TCF7L1: variants seen among roughly 807,000 people sequenced by gnomAD.
The protein encoded by TCF7L1 is transcription factor 7 like 1.
A neutral mutation model predicts 63.7 loss-of-function variants in TCF7L1; 18 were observed. The observed-to-expected ratio is 0.28, with a 90% CI of 0.20 to 0.42. The LOEUF (loss-of-function observed/expected upper bound fraction) is 0.42, where lower values mean the gene tolerates loss of function less well. Among genes scored for constraint, TCF7L1 ranks in the 10% least tolerant of loss-of-function variants. TCF7L1 has a pLI of 1.00. For synonymous variants in TCF7L1, 355 were observed against 340.9 expected (o/e 1.04, Z -0.46); for missense variants, 654 against 779.3 (o/e 0.84, Z 1.91).
chr2:85,231,472 G>C (rs1680079305), intron 3 of TCF7L1, among the ~76,000 whole-genome samples: 1 of 152,160 alleles, frequency 6.6e-6, no homozygotes, highest in Admixed American at 6.5e-5. Flanking sequence ...CCTCGTCCAC[G>C]TGACAGCCTT....
At chr2:85,230,541 G>A (rs1361012966) in intron 3 of TCF7L1, among the ~76,000 whole-genome samples, 1 of 152,156 alleles carries the variant, frequency 6.6e-6, no homozygotes, top group African/African-American at 2.4e-5. Flanking sequence ...CACCATGTTG[G>A]CCAGGGTGGT....
intron 3 of TCF7L1, among the ~76,000 whole-genome samples, chr2:85,167,602 C>G (rs552538567): frequency 6.1e-4 from 93 of 152,252 alleles, no homozygotes; most frequent in Non-Finnish European, 8.1e-4. Context: ...GTGGTTCATG[C>G]CTGTATTCCC....
chr2:85,264,083 G>A (rs1680916673), intron 3 of TCF7L1, among the ~76,000 whole-genome samples: 1 of 152,202 alleles, frequency 6.6e-6, no homozygotes, highest in Admixed American at 6.5e-5. Flanking sequence ...AGCTTGTAAG[G>A]GAGAGACGGC....
chr2:85,158,345 T>A (rs115399124), intron 3 of TCF7L1, among the ~76,000 whole-genome samples: 2,344 of 152,330 alleles, frequency 0.015, 50 homozygotes, highest in African/African-American at 0.053. Context: ...TCCCCTCTCC[T>A]TTTGGGTCTG....
intron 3 of TCF7L1, among the ~76,000 whole-genome samples, chr2:85,202,873 G>A (rs912272046): frequency 1.3e-5 from 2 of 151,874 alleles, no homozygotes; most frequent in African/African-American, 2.4e-5. Context: ...TCGCTCTTTC[G>A]CCCAGGCTGG....
At chr2:85,261,680 C>A (rs956718009) in intron 3 of TCF7L1, among the ~76,000 whole-genome samples, 4 of 152,048 alleles carry the variant, frequency 2.6e-5, no homozygotes, top group Non-Finnish European at 4.4e-5. Flanking sequence ...TTCTTGAAGC[C>A]AGGAGTTTGA....
At position 85,133,711 on chromosome 2, in the gene TCF7L1, C is replaced by CGGCGGCGGCGGCAGCGGGGGA; in HGVS notation, c.39_40insAGCGGGGGAGGCGGCGGCGGC (p.Gly13_Gly14insSerGlyGlyGlyGlyGlyGly). The CGGCGGCGGCGGCAGCGGGGGA allele has an allele frequency of 9.4e-7, 1 of 1,059,790 alleles. No homozygotes were observed. The allele number at this position is 1,059,790 out of a possible 1,614,324, so 65.6% of individuals were successfully genotyped here. ...TGCCCCAGCTCGGCGGCGGGGGCGGCGGCGGCGGCGGCGGCAGCGGGGGAG... is the reference window on the plus strand; with the variant it reads ...TGCCCCAGCTCGGCGGCGGGGGCGGCGGCGGCGGCGGCAGCGGGGGAGGCGGCGGCGGCGGCAGCGGGGGAG... On this transcript the variant is annotated inframe_insertion, in exon 1 of 12. Transcript: ENST00000282111. This position sits in a 1 kb window ranked among gnomAD's most constrained non-coding sequence, Gnocchi z 4.4.
At chr2:85,158,486 A>C (rs1285315901) in intron 3 of TCF7L1, among the ~76,000 whole-genome samples, 1 of 152,178 alleles carries the variant, frequency 6.6e-6, no homozygotes, top group Admixed American at 6.5e-5. Context: ...GAGCCTGTTT[A>C]AAAATAATGT....
intron 3 of TCF7L1, among the ~76,000 whole-genome samples, chr2:85,169,360 T>G (rs1045963729): frequency 6.6e-6 from 1 of 151,584 alleles, no homozygotes; most frequent in African/African-American, 2.4e-5. Context: ...GTTTCTTTCT[T>G]TCTTTTTTTT....
At chr2:85,157,959 G>A (rs1678188378) in intron 3 of TCF7L1, among the ~76,000 whole-genome samples, 1 of 152,236 alleles carries the variant, frequency 6.6e-6, no homozygotes, top group Non-Finnish European at 1.5e-5. Flanking sequence ...TGGGGGCATG[G>A]CTTTTAGAGG....
intron 3 of TCF7L1, among the ~76,000 whole-genome samples, chr2:85,148,442 C>A (rs1043932614): frequency 2.6e-5 from 4 of 152,166 alleles, no homozygotes; most frequent in Non-Finnish European, 4.4e-5. Context: ...AGCACTGAAT[C>A]CCAGCCGCGT....
At position 85,134,166 on chromosome 2, in the gene TCF7L1, G is replaced by T; in HGVS notation, c.313+87G>T. On this transcript the variant is annotated intron_variant, in intron 2 of 11. Transcript: ENST00000282111. The surrounding 1 kb of genome is among the most constrained non-coding windows in gnomAD (Gnocchi z 5.0). ...GGGCGGCCCACCGTCCCCCTTGCTTGGGTGGACGCACCCTTGCCCTCCGCC... is the reference window on the plus strand; with the variant it reads ...GGGCGGCCCACCGTCCCCCTTGCTTTGGTGGACGCACCCTTGCCCTCCGCC... 6.4e-7 allele frequency: 1 copy of T among 1,552,058 alleles called. No homozygotes were observed. The highest frequency in any genetic ancestry group is 8.7e-7 in the Non-Finnish European group (1 of 1,145,570).
chr2:85,203,195 A>C (rs1486309605), intron 3 of TCF7L1, among the ~76,000 whole-genome samples: 3 of 152,162 alleles, frequency 2.0e-5, no homozygotes, highest in Admixed American at 6.5e-5. Context: ...CTGTTCAGTC[A>C]ATTTTAATAG....
At chr2:85,229,696 A>G (rs1437871287) in intron 3 of TCF7L1, among the ~76,000 whole-genome samples, 1 of 151,992 alleles carries the variant, frequency 6.6e-6, no homozygotes. Flanking sequence ...TCCAGCCACC[A>G]ATATATATCA....
At chr2:85,282,958 G>C (rs974065534) in intron 3 of TCF7L1, among the ~76,000 whole-genome samples, 8 of 152,144 alleles carry the variant, frequency 5.3e-5, no homozygotes, top group African/African-American at 1.9e-4. Flanking sequence ...CAGCATCCTT[G>C]AGTTGGGGTA....
chr2:85,142,480 T>TAA lies in TCF7L1; in HGVS notation c.441+8031_441+8032dup, dbSNP rs56952641. ...TGTGTGTGTGTTGTGTGTATATATATAATATATATATATATATACACACAC... is the reference window on the plus strand; with the variant it reads ...TGTGTGTGTGTTGTGTGTATATATATAAAATATATATATATATATACACACAC... On this transcript the variant is annotated intron_variant, in intron 3 of 11. Transcript: ENST00000282111. Among the ~76,000 whole-genome samples the TAA allele has an allele frequency of 3.5e-5, 5 of 141,592 alleles. No homozygotes were observed. The East Asian group carries it at 1.0e-3, about 29-fold the overall frequency. 92.9% of individuals were successfully genotyped at this position (141,592 alleles called of 152,430 possible). A position where few individuals can be genotyped will look rare whatever the true frequency, so the allele number is the denominator to read the frequency against.
chr2:85,256,022 G>A (rs17026108), intron 3 of TCF7L1, among the ~76,000 whole-genome samples: 32,305 of 152,114 alleles, frequency 0.21, 3,614 homozygotes, highest in Middle Eastern at 0.26. Context: ...TGCAAACAGC[G>A]GGGAGCATTG....
At chr2:85,143,596 A>G (rs1677796547) in intron 3 of TCF7L1, among the ~76,000 whole-genome samples, 2 of 152,224 alleles carry the variant, frequency 1.3e-5, no homozygotes, top group South Asian at 2.1e-4. Context: ...AGTATCTCGT[A>G]CAAGGTTACA....
At chr2:85,248,338 T>G (rs1680514941) in intron 3 of TCF7L1, among the ~76,000 whole-genome samples, 1 of 152,214 alleles carries the variant, frequency 6.6e-6, no homozygotes, top group Non-Finnish European at 1.5e-5. Context: ...AGATTCTACT[T>G]CAGTAGGGCT....
Sources: gnomAD v4.1 joint callset for allele counts (sites outside exome capture counted in the v4.1 genomes callset) on GRCh38, gnomAD v4.1.1 for gene constraint, Gnocchi (gnomAD v3.1) non-coding constraint, MANE v1.5 for transcripts, NCBI Gene and HGNC (gene_info 2026-07-23, HGNC 2026-07-21) for gene names.